Variants in USP14 observed in about 807,000 individuals in gnomAD.
USP14 encodes ubiquitin specific peptidase 14, also known as ubiquitin carboxyl-terminal hydrolase 14.
A neutral mutation model predicts 76.5 loss-of-function variants in USP14; 38 were observed. That is an observed-to-expected ratio of 0.50 (90% CI 0.38 to 0.65). USP14 has a LOEUF of 0.65. Ranked by LOEUF, USP14 falls within the 30% of genes least tolerant of loss-of-function variation. The pLI, the probability that USP14 is intolerant of heterozygous loss-of-function variation, is 0.00. For synonymous variants in USP14, 192 were observed against 191.7 expected (o/e 1.00, Z -0.01); for missense variants, 467 against 586.5 (o/e 0.80, Z 2.10).
chr18:197,889 A>C (rs1474359262), intron 8 of USP14, among the ~76,000 whole-genome samples, 158 bp from the exon 9 acceptor site: 2 of 152,074 alleles, frequency 1.3e-5, no homozygotes, highest in African/African-American at 4.8e-5. Flanking sequence ...TTATTTATTA[A>C]ACTTAATTCA....
intron 3 of USP14, among the ~76,000 whole-genome samples, chr18:170,981 G>GTAA (rs1909426240): frequency 7.5e-6 from 1 of 133,296 alleles, no homozygotes; most frequent in African/African-American, 2.9e-5. Context: ...TAACAAGCAT[G>GTAA]CACATCCTGG....
chr18:203,156 A>G lies in USP14; in HGVS notation c.1001A>G (p.Lys334Arg). 6.2e-7 allele frequency: 1 copy of G among 1,614,086 alleles called. No individual in the cohort carries two copies. Among genetic ancestry groups the G allele is most frequent in the Non-Finnish European group, 8.5e-7 (1 of 1,179,996 alleles). Residue 334 changes from lysine to arginine, a missense_variant, in exon 12 of 16, where the codon AAA (lysine) becomes AGA (arginine). Transcript: ENST00000261601. Reference protein sequence around the residue: ...LTIQMVRFFYKEKESVNAKVL... With the variant: ...LTIQMVRFFYREKESVNAKVL... Reference sequence around the variant, plus strand: ...ATTCAGATGGTTCGATTTTTTTATAAAGAGAAGGAATCTGTGAATGCCAAA... The same window carrying G: ...ATTCAGATGGTTCGATTTTTTTATAGAGAGAAGGAATCTGTGAATGCCAAA...
At chr18:162,311 A>G (rs554471848) in intron 1 of USP14, among the ~76,000 whole-genome samples, 69 of 152,308 alleles carry the variant, frequency 4.5e-4, no homozygotes, top group African/African-American at 1.5e-3. Context: ...TATTCCCCCC[A>G]GCAGTGTACA....
rs766193900 is a variant in USP14, at chr18:192,836, TC to T, written c.405-4del. ...CTATTGTTTAACTCGGCTTTAATGTTCCTAGGTATGCAGGTGCCTTGAGAGC... is the reference window on the plus strand; with the variant it reads ...CTATTGTTTAACTCGGCTTTAATGTTCTAGGTATGCAGGTGCCTTGAGAGC... On this transcript the variant is annotated splice_region_variant and splice_polypyrimidine_tract_variant and intron_variant, in intron 5 of 15. Coordinates refer to ENST00000261601, the MANE Select transcript of USP14 (RefSeq NM_005151.4). The T allele has an allele frequency of 1.2e-5, 19 of 1,613,546 alleles. No homozygotes were observed. The highest frequency in any genetic ancestry group is 2.7e-5 in the African/African-American group (2 of 74,902).
At chr18:192,076 A>G (rs941493216) in intron 5 of USP14, among the ~76,000 whole-genome samples, 1 of 152,262 alleles carries the variant, frequency 6.6e-6, no homozygotes, top group Non-Finnish European at 1.5e-5. Flanking sequence ...CTCAGTTTAC[A>G]GATGAGCAAA....
chr18:199,471 C>T (rs180989296), intron 10 of USP14, among the ~76,000 whole-genome samples, 155 bp downstream of exon 10: 1 of 152,274 alleles, frequency 6.6e-6, no homozygotes, highest in Admixed American at 6.5e-5. Flanking sequence ...CATCTGAGGT[C>T]AAACAAGTAC....
At chr18:196,572 A>G (rs1362155394) in intron 6 of USP14, 65 bp from the exon 7 acceptor site, 1 of 1,509,662 alleles carries the variant, frequency 6.6e-7, no homozygotes, top group Non-Finnish European at 8.9e-7. Context: ...ATTAAAATTA[A>G]TTTACAGTCG....
At chr18:175,930 A>G (rs1598267841) in intron 3 of USP14, among the ~76,000 whole-genome samples, 1 of 152,068 alleles carries the variant, frequency 6.6e-6, no homozygotes. Context: ...ATGTAGGACT[A>G]TTTAGATATT....
chr18:204,819 G>T, intron 13 of USP14, 127 bp downstream of exon 13: 1 of 538,852 alleles, frequency 1.9e-6, no homozygotes, highest in Non-Finnish European at 2.9e-6. Flanking sequence ...GTATTATTTG[G>T]ATCAATCTGT....
At chr18:170,913 T>C (rs1181654576) in intron 3 of USP14, among the ~76,000 whole-genome samples, 1 of 150,582 alleles carries the variant, frequency 6.6e-6, no homozygotes, top group Non-Finnish European at 1.5e-5. Flanking sequence ...CTGGGCTTAA[T>C]ACCTAGGTGA....
At position 180,271 on chromosome 18, in the gene USP14, C is replaced by T. The variant is rs866395717; in HGVS notation, c.336C>T (p.Asn112=). ...CATGTGGATTGACAAACCTTGGTAA[C>T]ACTTGTTACATGAATGCCACAGTTC... ...ELPCGLTNLG[N]TCYMNATVQC... is the part of the protein sequence containing the mutation. Residue 112 remains asparagine (N), a synonymous_variant, in exon 5 of 16, where the codon AAC becomes AAT. Coordinates refer to ENST00000261601, the MANE Select transcript of USP14 (RefSeq NM_005151.4). 2 of 1,558,118 alleles carry T rather than the reference C, an allele frequency of 1.3e-6. No individual in the cohort carries two copies. Among genetic ancestry groups the T allele is most frequent in the Middle Eastern group, 1.7e-4 (1 of 5,900 alleles).
In USP14 at chr18:214,142, T is replaced by C. The variant is rs185522383; in HGVS notation, c.*2858T>C. On this transcript the variant is annotated 3_prime_UTR_variant, in exon 16 of 16. Transcript: ENST00000261601. ...TTAGTTATGAGTGAGCACAGCTGGG[T>C]GCCAGTACAATTTTAATGATCAAGA... 1.3e-4 allele frequency: 21 copies of C among 156,262 alleles called. No homozygotes were observed. The highest frequency in any genetic ancestry group is 5.1e-4 in the African/African-American group (21 of 41,558). The allele number at this position is 156,262 out of a possible 1,614,324, so 9.7% of individuals were successfully genotyped here. A position where few individuals can be genotyped will look rare whatever the true frequency, so the allele number is the denominator to read the frequency against.
chr18:214,386 C>T lies in USP14; in HGVS notation c.*3102C>T, dbSNP rs1910784897. 1 of 419,258 alleles carries T rather than the reference C, an allele frequency of 2.4e-6. No homozygotes were observed. The highest frequency in any genetic ancestry group is 4.2e-6 in the Non-Finnish European group (1 of 235,966). 26.0% of individuals were successfully genotyped at this position (419,258 alleles called of 1,614,324 possible). A position where few individuals can be genotyped will look rare whatever the true frequency, so the allele number is the denominator to read the frequency against. On this transcript the variant is annotated 3_prime_UTR_variant, in exon 16 of 16. Coordinates refer to ENST00000261601, the MANE Select transcript of USP14 (RefSeq NM_005151.4). The stretch of plus-strand genomic sequence containing the variant: ...TTTAACTTCATTATAAATACATCTA[C>T]TTAACAAAAAAATATATTTTGTGAT...
intron 5 of USP14, among the ~76,000 whole-genome samples, chr18:185,645 T>A (rs964083953): frequency 6.6e-6 from 1 of 150,772 alleles, no homozygotes; most frequent in Non-Finnish European, 1.5e-5. Flanking sequence ...AATTATTTTC[T>A]TTTTTTTAGC....
In USP14 at chr18:214,066, C is replaced by CTT. The variant is rs1316650133; in HGVS notation, c.*2783_*2784dup. 6.6e-6 allele frequency: 1 copy of CTT among 152,530 alleles called. No individual in the cohort carries two copies. The highest frequency in any genetic ancestry group is 2.4e-5 in the African/African-American group (1 of 41,408). 9.4% of individuals were successfully genotyped at this position (152,530 alleles called of 1,614,324 possible). A position where few individuals can be genotyped will look rare whatever the true frequency, so the allele number is the denominator to read the frequency against. On this transcript the variant is annotated 3_prime_UTR_variant, in exon 16 of 16. Transcript: ENST00000261601. ...TGCAGGCTATAAAGTGCTGCAGCTC[C>CTT]TTAGCTTTGCTGTTGTTATAGTGTA...
rs1910735679 is a variant in USP14, at chr18:213,469, T to C, written c.*2185T>C. On this transcript the variant is annotated 3_prime_UTR_variant, in exon 16 of 16. Coordinates refer to ENST00000261601, the MANE Select transcript of USP14 (RefSeq NM_005151.4). ...TTGTTTTTAACTAATAAGGCTATTT[T>C]AGAATTCAGCCTTGCCTGTAAGGTC... 1 of 152,486 alleles carries C rather than the reference T, an allele frequency of 6.6e-6. No individual in the cohort carries two copies. The highest frequency in any genetic ancestry group is 1.5e-5 in the Non-Finnish European group (1 of 68,034). The allele number at this position is 152,486 out of a possible 1,614,324, so 9.4% of individuals were successfully genotyped here.
intron 13 of USP14, among the ~76,000 whole-genome samples, chr18:209,082 G>A (rs1027841950): frequency 4.0e-5 from 6 of 151,106 alleles, no homozygotes; most frequent in African/African-American, 9.7e-5. Flanking sequence ...TGCAATCATC[G>A]ACATGTTAGG....
At chr18:191,754 A>G (rs745608045) in intron 5 of USP14, among the ~76,000 whole-genome samples, 7 of 152,080 alleles carry the variant, frequency 4.6e-5, no homozygotes, top group South Asian at 4.2e-4. Flanking sequence ...AGTAATTCTG[A>G]TTGCTCCACA....
chr18:199,676 TG>T (rs1910335603), intron 10 of USP14, among the ~76,000 whole-genome samples: 1 of 152,158 alleles, frequency 6.6e-6, no homozygotes, highest in Non-Finnish European at 1.5e-5. Flanking sequence ...AAAATATACT[TG>T]TTAGAGAAGC....
Sources: allele counts gnomAD v4.1 joint callset (sites outside exome capture counted in the v4.1 genomes callset), GRCh38; gene constraint gnomAD v4.1.1; transcripts MANE v1.5; gene names NCBI Gene and HGNC (gene_info 2026-07-23, HGNC 2026-07-21).